The following BRSK2 variants were observed in gnomAD, a reference collection of about 807,000 sequenced individuals.
BRSK2 encodes the protein serine/threonine-protein kinase BRSK2.
In BRSK2, 19 loss-of-function variants were observed where a neutral mutation model predicts 83.3. The observed-to-expected ratio is 0.23, with a 90% CI of 0.16 to 0.33. The LOEUF is 0.33. Among genes scored for constraint, BRSK2 ranks in the 10% least tolerant of loss-of-function variants. The pLI is 1.00. For missense variants in BRSK2, 798 were observed against 1,042.3 expected (o/e 0.77, Z 3.23); for synonymous variants, 519 against 435.4 (o/e 1.19, Z -2.39).
intron 16 of BRSK2, among the ~76,000 whole-genome samples, chr11:1,456,138 G>A (rs1448108337): frequency 1.3e-5 from 2 of 152,212 alleles, no homozygotes; most frequent in Admixed American, 6.5e-5. Context: ...TGCCCGCTAA[G>A]TGGACCAAAG....
chr11:1,415,304 C>T (rs763711228), intron 1 of BRSK2, among the ~76,000 whole-genome samples: 1 of 152,090 alleles, frequency 6.6e-6, no homozygotes, highest in Non-Finnish European at 1.5e-5. Context: ...CCATGTTAGC[C>T]AGGATGGTCT....
At chr11:1,410,993 C>G in intron 1 of BRSK2, 2 of 982,664 alleles carry the variant, frequency 2.0e-6, no homozygotes, top group Admixed American at 1.2e-4. Context: ...GGGGCAGGAG[C>G]AGGGGCGGAG....
chr11:1,458,717 G>A (rs1846983949), intron 18 of BRSK2, among the ~76,000 whole-genome samples: 1 of 152,210 alleles, frequency 6.6e-6, no homozygotes, highest in South Asian at 2.1e-4. Flanking sequence ...TGGACTGGCA[G>A]CACCAACATC....
chr11:1,395,445 C>A (rs1590292685), intron 1 of BRSK2, among the ~76,000 whole-genome samples: 1 of 152,228 alleles, frequency 6.6e-6, no homozygotes, highest in South Asian at 2.1e-4. Context: ...GCCCTGCATG[C>A]CCTCCACAGG....
intron 12 of BRSK2, 22 bp downstream of exon 12, chr11:1,445,929 T>C: frequency 6.3e-7 from 1 of 1,589,318 alleles, no homozygotes; most frequent in Non-Finnish European, 8.6e-7. Flanking sequence ...CCGAGGCTGC[T>C]GGGCCTCCCT....
At chr11:1,450,437 C>T in intron 13 of BRSK2, 150 bp from the exon 14 acceptor site, 1 of 571,696 alleles carries the variant, frequency 1.7e-6, no homozygotes, top group African/African-American at 2.0e-5. Context: ...CAAGTCCAAC[C>T]CCTTCCCGGC....
chr11:1,434,344 G>A (rs1184463580), intron 1 of BRSK2, among the ~76,000 whole-genome samples: 4 of 150,324 alleles, frequency 2.7e-5, no homozygotes, highest in Non-Finnish European at 5.9e-5. Context: ...AACCTGGGCC[G>A]GCTCTGCGTG....
rs1370556911 is a variant in BRSK2 at position 1,423,097 on chromosome 11, GC to G, written c.92-12939del. On this transcript the variant is annotated intron_variant, in intron 1 of 19. Transcript: ENST00000528841. This position sits in a 1 kb window ranked among gnomAD's most constrained non-coding sequence, Gnocchi z 6.5. Reference sequence around the variant, plus strand: ...AGGGTTAATGTCCAGGTACCTCCAGGCCCCATGCACCCAGGACCTCCCCAAG... The same window carrying G: ...AGGGTTAATGTCCAGGTACCTCCAGGCCCATGCACCCAGGACCTCCCCAAG... Among the ~76,000 whole-genome samples, 4 of 152,262 alleles carry G rather than the reference GC, an allele frequency of 2.6e-5. No individual in the cohort carries two copies. The highest frequency in any genetic ancestry group is 2.1e-4 in the South Asian group (1 of 4,824).
intron 8 of BRSK2, among the ~76,000 whole-genome samples, chr11:1,444,449 C>G (rs1026589999): frequency 6.6e-6 from 1 of 152,238 alleles, no homozygotes; most frequent in Middle Eastern, 3.4e-3. Flanking sequence ...GAGAAGGGGC[C>G]GTGTGGCTGG....
In BRSK2 at chr11:1,456,494, C is replaced by T. The variant is rs199989188; in HGVS notation, c.1815C>T (p.Asn605=). The T allele has an allele frequency of 1.6e-4, 245 of 1,575,334 alleles. No individual in the cohort carries two copies. The highest frequency in any genetic ancestry group is 1.9e-4 in the Non-Finnish European group (223 of 1,159,620). Residue 605 remains asparagine (N), a synonymous_variant, in exon 17 of 20, where the codon AAC becomes AAT. Coordinates refer to ENST00000528841, the MANE Select transcript of BRSK2 (RefSeq NM_001256627.2). ...YTEGGEAQKE[N]GIYSVTFTLL... ...AGGGTGGGGAGGCGCAGAAGGAGAA[C>T]GGCATCTACTCCGTCACCTTCACCC...
chr11:1,397,918 C>T (rs536848518), intron 1 of BRSK2, among the ~76,000 whole-genome samples: 1 of 152,246 alleles, frequency 6.6e-6, no homozygotes, highest in African/African-American at 2.4e-5. Flanking sequence ...GGCATTCACG[C>T]CATCACTGCC....
At position 1,460,541 on chromosome 11, in the gene BRSK2, T is replaced by G; in HGVS notation, c.2029T>G (p.Phe677Val). The change falls in exon 20 of 20, where the codon TTT (phenylalanine) becomes GTT (valine). Residue 677 changes from phenylalanine (F) to valine (V), a missense_variant. Physicochemically the swap from Phe to Val is conservative, Grantham distance 50. Coordinates refer to ENST00000528841, the MANE Select transcript of BRSK2 (RefSeq NM_001256627.2). ...CTTCTTTGACGTAATTAAACAACTT[T>G]TTTCAGACGAGAAGAACGGGCAGGC... ...SNFFDVIKQLFSDEKNGQAAQ... is the reference protein window; with the variant it reads ...SNFFDVIKQLVSDEKNGQAAQ... 1.3e-6 allele frequency: 2 copies of G among 1,530,860 alleles called. No homozygotes were observed. Among genetic ancestry groups the G allele is most frequent in the Non-Finnish European group, 1.7e-6 (2 of 1,144,054 alleles). The allele number at this position is 1,530,860 out of a possible 1,614,324, so 94.8% of individuals were successfully genotyped here.
At chr11:1,447,943 C>A in intron 12 of BRSK2, 1 of 1,387,994 alleles carries the variant, frequency 7.2e-7, no homozygotes, top group Non-Finnish European at 9.9e-7. Context: ...GGCACATGGG[C>A]GGGTCTGGTG....
chr11:1,434,351 C>T (rs563416510), intron 1 of BRSK2, among the ~76,000 whole-genome samples: 963 of 82,068 alleles, frequency 0.012, 8 homozygotes, highest in African/African-American at 0.04. Context: ...GCCGGCTCTG[C>T]GTGTCTGGGG....
intron 4 of BRSK2, 58 bp downstream of exon 4, chr11:1,440,986 A>C: frequency 1.4e-6 from 2 of 1,467,614 alleles, no homozygotes; most frequent in Non-Finnish European, 1.8e-6. Flanking sequence ...CCAGTGCGCT[A>C]CCACAGATGC....
In BRSK2 at chr11:1,445,785, G is replaced by C; in HGVS notation, c.1104G>C (p.Pro368=). Residue 368 remains proline, a synonymous_variant, in exon 12 of 20, where the codon CCG becomes CCC. Transcript: ENST00000528841. The part of the protein sequence containing the change: ...IDPPRKRVDS[P]MLNRHGKRRP... Reference sequence around the variant, plus strand: ...CTCCCCGGAAGCGTGTGGACTCCCCGATGCTGAACCGGCACGGCAAGCGGC... The same window carrying C: ...CTCCCCGGAAGCGTGTGGACTCCCCCATGCTGAACCGGCACGGCAAGCGGC... 2 of 1,612,370 alleles carry C rather than the reference G, an allele frequency of 1.2e-6. No individual in the cohort carries two copies. The highest frequency in any genetic ancestry group is 1.7e-6 in the Non-Finnish European group (2 of 1,179,620).
chr11:1,416,984 C>T (rs1227685417), intron 1 of BRSK2, among the ~76,000 whole-genome samples: 1 of 152,104 alleles, frequency 6.6e-6, no homozygotes. Flanking sequence ...CATGGTGAAA[C>T]CCCATCTCTA....
chr11:1,416,546 C>T (rs969243923), intron 1 of BRSK2, among the ~76,000 whole-genome samples: 20 of 152,284 alleles, frequency 1.3e-4, no homozygotes, highest in Admixed American at 8.5e-4. Context: ...ATTTAACTAC[C>T]GGCGGTTGTA....
chr11:1,410,883 T>C (rs1274404529), intron 1 of BRSK2: 1 of 985,742 alleles, frequency 1.0e-6, no homozygotes, highest in Non-Finnish European at 1.2e-6. Flanking sequence ...TAGGAGGGCC[T>C]TCGACGGCCC....
Sources: gnomAD v4.1 joint callset for allele counts (sites outside exome capture counted in the v4.1 genomes callset) on GRCh38, gnomAD v4.1.1 for gene constraint, Gnocchi (gnomAD v3.1) non-coding constraint, MANE v1.5 for transcripts, NCBI Gene and HGNC (gene_info 2026-07-23, HGNC 2026-07-21) for gene names.